ADGRL3: variants seen among roughly 807,000 people sequenced by gnomAD.
ADGRL3 encodes the protein adhesion G protein-coupled receptor L3, also known as calcium-independent alpha-latrotoxin receptor 3.
ADGRL3 carries 62 observed loss-of-function variants against 153.5 expected under a neutral mutation model. The ratio of observed to expected loss-of-function variants is 0.40; its 90% CI spans 0.33 to 0.50. ADGRL3 has a LOEUF of 0.50. ADGRL3 is among the 20% of genes least tolerant of loss of function. The pLI, the probability that ADGRL3 is intolerant of heterozygous loss-of-function variation, is 0.47. For synonymous variants in ADGRL3, 710 were observed against 672.5 expected, an observed-to-expected ratio of 1.06 and a Z score of -0.86; for missense variants, 1,641 against 1,859.4, an observed-to-expected ratio of 0.88 and a Z score of 2.16.
At chr4:61,851,229 G>A (rs79632013) in intron 9 of ADGRL3, among the ~76,000 whole-genome samples, 49 of 152,188 alleles carry the variant, frequency 3.2e-4, no homozygotes, top group Admixed American at 7.9e-4. Flanking sequence ...GAGCAAAGGC[G>A]TGTAACTCAG....
At chr4:61,934,656 C>A (rs1055130501) in intron 13 of ADGRL3, among the ~76,000 whole-genome samples, 184 bp from the exon 14 acceptor site, 1 of 152,166 alleles carries the variant, frequency 6.6e-6, no homozygotes, top group Admixed American at 6.5e-5. Flanking sequence ...AAAGTCTCAG[C>A]TAGGGTTTTA....
intron 2 of ADGRL3, among the ~76,000 whole-genome samples, chr4:61,451,047 T>C (rs1002811179): frequency 4.5e-4 from 69 of 152,286 alleles, no homozygotes; most frequent in African/African-American, 1.6e-3. Flanking sequence ...ACTTACTGTT[T>C]GCTGATCATT....
chr4:62,045,832 A>G (rs970860816), intron 25 of ADGRL3, among the ~76,000 whole-genome samples: 6 of 152,004 alleles, frequency 3.9e-5, no homozygotes, highest in Non-Finnish European at 7.4e-5. Context: ...TATTAAAATA[A>G]AAGAGCTACC....
In ADGRL3 at chr4:61,892,921, A is replaced by G. The variant is rs758601254; in HGVS notation, c.1746A>G (p.Gly582=). 2.8e-5 allele frequency: 43 copies of G among 1,548,942 alleles called. 1 individual carries two copies. In the Middle Eastern group the frequency reaches 1.4e-3, roughly 50 times the overall value. The change falls in exon 10 of 27, where the codon GGA becomes GGG. Residue 582 remains glycine, a synonymous_variant. Transcript: ENST00000683033. ...TCATGTGGTTTAAGACTCGTCAAGGACAGATAGCAAAGCAGCCATGCCCTG... is the reference window on the plus strand; with the variant it reads ...TCATGTGGTTTAAGACTCGTCAAGGGCAGATAGCAAAGCAGCCATGCCCTG... The part of the protein sequence containing the change: ...REIMWFKTRQ[G]QIAKQPCPAG...
intron 4 of ADGRL3, among the ~76,000 whole-genome samples, chr4:61,568,380 C>T (rs1008632465): frequency 2.6e-5 from 4 of 152,060 alleles, no homozygotes; most frequent in Non-Finnish European, 2.9e-5. Flanking sequence ...TAAGTTTAAT[C>T]TTTATATTCA....
At chr4:61,520,830 A>G (rs2152918662) in intron 4 of ADGRL3, among the ~76,000 whole-genome samples, 1 of 151,902 alleles carries the variant, frequency 6.6e-6, no homozygotes, top group African/African-American at 2.4e-5. Flanking sequence ...TTCCTGTGAA[A>G]CCAGTTTTTC....
chr4:61,624,159 A>G (rs1177515927), intron 5 of ADGRL3, among the ~76,000 whole-genome samples: 2 of 152,146 alleles, frequency 1.3e-5, no homozygotes, highest in African/African-American at 4.8e-5. Flanking sequence ...AGCCTATTCA[A>G]TTTTCATTTT....
chr4:61,965,717 C>T (rs1311444811), intron 17 of ADGRL3, among the ~76,000 whole-genome samples: 1 of 151,964 alleles, frequency 6.6e-6, no homozygotes, highest in South Asian at 2.1e-4. Context: ...TGCCACTGCA[C>T]TCCAGTCTGG....
intron 2 of ADGRL3, among the ~76,000 whole-genome samples, chr4:61,386,749 G>C (rs2096741260): frequency 6.6e-6 from 1 of 152,182 alleles, no homozygotes; most frequent in African/African-American, 2.4e-5. Context: ...AGAAAACACT[G>C]CCTTAATCAG....
chr4:61,454,158 G>A (rs1170213642), intron 2 of ADGRL3, among the ~76,000 whole-genome samples: 1 of 152,010 alleles, frequency 6.6e-6, no homozygotes, highest in Non-Finnish European at 1.5e-5. Flanking sequence ...TCTCATGGTT[G>A]CCTACCCAGG....
At chr4:61,879,966 T>C (rs1277396954) in intron 9 of ADGRL3, among the ~76,000 whole-genome samples, 1 of 152,120 alleles carries the variant, frequency 6.6e-6, no homozygotes, top group Admixed American at 6.6e-5. Flanking sequence ...GCTCAAGCAA[T>C]CCTCATACCT....
In ADGRL3 at chr4:61,358,465, C is replaced by T. The variant is rs372438805; in HGVS notation, c.-239-24659C>T. On this transcript the variant is annotated intron_variant, in intron 1 of 26. Transcript: ENST00000683033. ...ACAAAAAATTAGCCGGGCGTGGTGG[C>T]GGGCGCCTGTAGTCCCAGCTACTAG... Among the ~76,000 whole-genome samples, 119 of 151,952 alleles carry T rather than the reference C, an allele frequency of 7.8e-4. 2 individuals are homozygous for T. Among genetic ancestry groups the T allele is most frequent in the African/African-American group, 2.3e-3 (95 of 41,490 alleles).
intron 21 of ADGRL3, among the ~76,000 whole-genome samples, chr4:62,022,120 TA>T (rs55776420): frequency 0.1 from 15,879 of 152,204 alleles, 1,078 homozygotes; most frequent in East Asian, 0.27. Flanking sequence ...TTGAAAGTAC[TA>T]ATCTATTGAA....
chr4:61,315,955 T>C (rs2095196192), intron 1 of ADGRL3, among the ~76,000 whole-genome samples: 1 of 152,186 alleles, frequency 6.6e-6, no homozygotes, highest in African/African-American at 2.4e-5. Flanking sequence ...ATTGAGCACC[T>C]ACTATGTCCC....
At chr4:61,945,845 T>A (rs1005834728) in intron 15 of ADGRL3, among the ~76,000 whole-genome samples, 2 of 151,992 alleles carry the variant, frequency 1.3e-5, no homozygotes, top group African/African-American at 4.8e-5. Flanking sequence ...TGGCACTCCT[T>A]AGTGAGATGA....
chr4:61,472,412 C>A (rs2097970033), intron 2 of ADGRL3, among the ~76,000 whole-genome samples: 2 of 152,078 alleles, frequency 1.3e-5, no homozygotes, highest in African/African-American at 2.4e-5. Context: ...CATCTGAAGG[C>A]ACAATTTGTG....
chr4:61,407,292 G>A (rs180735004), intron 2 of ADGRL3, among the ~76,000 whole-genome samples: 5 of 152,074 alleles, frequency 3.3e-5, no homozygotes, highest in African/African-American at 1.2e-4. Context: ...AAAATAACTT[G>A]CTTTGTTATT....
At chr4:61,950,095 T>C (rs1244409848) in intron 17 of ADGRL3, among the ~76,000 whole-genome samples, 1 of 152,202 alleles carries the variant, frequency 6.6e-6, no homozygotes, top group Non-Finnish European at 1.5e-5. Flanking sequence ...AACTGGTAAA[T>C]AGTATTTTCA....
intron 2 of ADGRL3, among the ~76,000 whole-genome samples, chr4:61,495,414 A>C (rs74918857): frequency 0.012 from 1,750 of 151,774 alleles, 34 homozygotes; most frequent in African/African-American, 0.039. Flanking sequence ...TCTCCAAGAC[A>C]AAAAAAAGAA....
Sources: gnomAD v4.1 joint callset for allele counts (sites outside exome capture counted in the v4.1 genomes callset) on GRCh38, gnomAD v4.1.1 for gene constraint, MANE v1.5 for transcripts, NCBI Gene and HGNC (gene_info 2026-07-23, HGNC 2026-07-21) for gene names.